RIN2: variants seen among roughly 807,000 people sequenced by gnomAD.
RIN2 encodes the protein RAB5 interacting protein 2.
A neutral mutation model predicts 78.0 loss-of-function variants in RIN2; 36 were observed. The ratio of observed to expected loss-of-function variants is 0.46; its 90% CI spans 0.35 to 0.61. The LOEUF is 0.61. Ranked by LOEUF, RIN2 falls within the 20% of genes least tolerant of loss-of-function variation. The pLI is 0.00. For missense variants in RIN2, 1,087 were observed against 1,159.7 expected (o/e 0.94, Z 0.91); for synonymous variants, 466 against 466.8 (o/e 1.00, Z 0.02).
intron 2 of RIN2, among the ~76,000 whole-genome samples, chr20:19,810,607 C>T (rs902945415): frequency 6.6e-6 from 1 of 150,952 alleles, no homozygotes; most frequent in African/African-American, 2.4e-5. Context: ...TGATTGCTCT[C>T]TCGTTAGTTT....
chr20:19,889,508 G>T, intron 2 of RIN2, 58 bp from the exon 3 acceptor site: 1 of 1,468,780 alleles, frequency 6.8e-7, no homozygotes, highest in Non-Finnish European at 9.3e-7. Flanking sequence ...GTGTTCTGTG[G>T]CTTAGAAAGG....
intron 1 of RIN2, among the ~76,000 whole-genome samples, chr20:19,771,041 A>C (rs1269101672): frequency 6.6e-6 from 1 of 152,250 alleles, no homozygotes; most frequent in Non-Finnish European, 1.5e-5. Flanking sequence ...ATTATTGTAA[A>C]GGATATTGCA....
intron 1 of RIN2, among the ~76,000 whole-genome samples, chr20:19,786,846 C>T (rs2034693926): frequency 6.6e-6 from 1 of 152,200 alleles, no homozygotes; most frequent in Non-Finnish European, 1.5e-5. Flanking sequence ...ATTTAGCTTA[C>T]ATGCTAACCT....
Position 19,993,170 on chromosome 20 carries a change from A to G in RIN2, c.2200+871A>G, listed in dbSNP as rs575027236. 2.6e-5 allele frequency among the ~76,000 whole-genome samples: 4 copies of G among 152,346 alleles called. No homozygotes were observed. In the East Asian group the frequency reaches 7.7e-4, roughly 29 times the overall value. On this transcript the variant is annotated intron_variant, in intron 11 of 12. Transcript: ENST00000255006. ...GGACTCTATGTGAGCTTATCTTTTC[A>G]AAGGAGAACAAATCAGGGCCTGTGC... is the stretch of plus-strand genomic sequence containing the variant.
At chr20:19,873,586 C>T (rs1011769510) in intron 2 of RIN2, among the ~76,000 whole-genome samples, 1 of 152,144 alleles carries the variant, frequency 6.6e-6, no homozygotes, top group Non-Finnish European at 1.5e-5. Flanking sequence ...AAACTTTATT[C>T]TCAAAAGCAC....
intron 2 of RIN2, among the ~76,000 whole-genome samples, chr20:19,853,061 T>C (rs537907446): frequency 8.0e-6 from 1 of 125,026 alleles, no homozygotes; most frequent in East Asian, 2.5e-4. Flanking sequence ...GGCCCCAGTG[T>C]GTGATGTTCC....
chr20:19,819,958 G>A (rs979327776), intron 2 of RIN2, among the ~76,000 whole-genome samples: 2 of 152,162 alleles, frequency 1.3e-5, no homozygotes, highest in Non-Finnish European at 2.9e-5. Flanking sequence ...ATTTCTCAAA[G>A]TCACACAAAT....
intron 2 of RIN2, among the ~76,000 whole-genome samples, chr20:19,841,012 C>T (rs1189714174): frequency 6.6e-6 from 1 of 152,026 alleles, no homozygotes; most frequent in Non-Finnish European, 1.5e-5. Flanking sequence ...GTTATCTGTT[C>T]TTTAGGGAAC....
intron 3 of RIN2, among the ~76,000 whole-genome samples, chr20:19,902,244 C>T (rs2123645057): frequency 6.6e-6 from 1 of 152,110 alleles, no homozygotes; most frequent in East Asian, 1.9e-4. Context: ...CAGGACCCAG[C>T]ACTCATTGGA....
chr20:19,969,788 C>T (rs568393806), intron 7 of RIN2, among the ~76,000 whole-genome samples: 2 of 151,878 alleles, frequency 1.3e-5, no homozygotes, highest in African/African-American at 4.8e-5. Context: ...ACAAACAAAC[C>T]CTCCTTTTTG....
intron 2 of RIN2, among the ~76,000 whole-genome samples, chr20:19,839,393 C>T (rs1015222088): frequency 3.9e-5 from 6 of 152,248 alleles, no homozygotes; most frequent in African/African-American, 1.2e-4. Flanking sequence ...CACAGTGTGG[C>T]GACTGAGCAG....
At chr20:19,795,174 G>A (rs2035016281) in intron 1 of RIN2, among the ~76,000 whole-genome samples, 2 of 152,186 alleles carry the variant, frequency 1.3e-5, no homozygotes, top group Admixed American at 6.5e-5. Flanking sequence ...CGGACTCGCA[G>A]GGAAGTCTCA....
chr20:19,918,495 C>T (rs2039777796), intron 3 of RIN2, among the ~76,000 whole-genome samples: 1 of 151,258 alleles, frequency 6.6e-6, no homozygotes, highest in Non-Finnish European at 1.5e-5. Flanking sequence ...AGAATAACAC[C>T]TTAAACGAAC....
intron 3 of RIN2, among the ~76,000 whole-genome samples, chr20:19,896,959 A>G (rs1411119212): frequency 6.6e-6 from 1 of 152,184 alleles, no homozygotes; most frequent in Non-Finnish European, 1.5e-5. Context: ...GATATTTTAC[A>G]TTCTTTTTTG....
At chr20:19,983,754 C>G (rs1601042786) in intron 9 of RIN2, among the ~76,000 whole-genome samples, 1 of 152,022 alleles carries the variant, frequency 6.6e-6, no homozygotes, top group Non-Finnish European at 1.5e-5. Flanking sequence ...GAAGTCTGGG[C>G]TTCTGGTATA....
chr20:19,920,295 CAAAAAAA>C (rs34086663), intron 3 of RIN2, among the ~76,000 whole-genome samples: 1 of 95,360 alleles, frequency 1.0e-5, no homozygotes, highest in African/African-American at 3.4e-5. Flanking sequence ...GACTCTGTCT[CAAAAAAA>C]AAAAAAAAAA....
At chr20:19,953,835 GTA>G (rs1294962824) in intron 4 of RIN2, among the ~76,000 whole-genome samples, 2 of 151,860 alleles carry the variant, frequency 1.3e-5, no homozygotes, top group African/African-American at 4.8e-5. Context: ...ACTTTGAAGA[GTA>G]TGTTTTTTTA....
At chr20:19,850,965 ACT>A (rs1030328844) in intron 2 of RIN2, among the ~76,000 whole-genome samples, 10 of 150,544 alleles carry the variant, frequency 6.6e-5, no homozygotes, top group African/African-American at 1.7e-4. Context: ...CAAAAGCAAG[ACT>A]CTGTCAAAAA....
At chr20:19,847,211 G>T (rs2036814075) in intron 2 of RIN2, among the ~76,000 whole-genome samples, 1 of 152,114 alleles carries the variant, frequency 6.6e-6, no homozygotes, top group Non-Finnish European at 1.5e-5. Flanking sequence ...TCCTTCATCT[G>T]AAGCATTTAG....
Sources: gnomAD v4.1 joint callset for allele counts (sites outside exome capture counted in the v4.1 genomes callset) on GRCh38, gnomAD v4.1.1 for gene constraint, MANE v1.5 for transcripts, NCBI Gene and HGNC (gene_info 2026-07-23, HGNC 2026-07-21) for gene names.